Variants in IGF2R observed in about 807,000 individuals in gnomAD.
IGF2R encodes cation-independent mannose-6-phosphate receptor.
IGF2R carries 91 observed loss-of-function variants against 270.6 expected under a neutral mutation model. The observed-to-expected ratio is 0.34, with a 90% CI of 0.28 to 0.40. IGF2R has a LOEUF of 0.40. Ranked by LOEUF, IGF2R falls within the 10% of genes least tolerant of loss-of-function variation. The pLI, the probability that IGF2R is intolerant of heterozygous loss-of-function variation, is 1.00. For missense variants in IGF2R, 2,805 were observed against 3,188.3 expected (o/e 0.88, Z 2.90); for synonymous variants, 1,316 against 1,258.9 (o/e 1.05, Z -0.96).
chr6:160,096,319 A>G (rs890459419), intron 44 of IGF2R, 120 bp from the exon 45 acceptor site: 2 of 835,452 alleles, frequency 2.4e-6, no homozygotes, highest in Non-Finnish European at 3.8e-6. Flanking sequence ...GGGACGTGGG[A>G]TGAAGTCTCT....
chr6:160,002,040 G>A (rs1202569757), intron 2 of IGF2R, among the ~76,000 whole-genome samples: 1 of 152,144 alleles, frequency 6.6e-6, no homozygotes, highest in Non-Finnish European at 1.5e-5. Flanking sequence ...TATTTTGCAT[G>A]TTATATGTAT....
At chr6:160,068,103 T>TGTGTGTGTGA (rs1176106813) in intron 29 of IGF2R, 146 bp from the exon 30 acceptor site, 4 of 637,066 alleles carry the variant, frequency 6.3e-6, no homozygotes, top group African/African-American at 5.5e-5. Flanking sequence ...TGTGTGTGTG[T>TGTGTGTGTGA]GTGTGACAGA....
chr6:159,973,275 A>G (rs1035876281), intron 1 of IGF2R, among the ~76,000 whole-genome samples: 5 of 152,210 alleles, frequency 3.3e-5, no homozygotes, highest in Non-Finnish European at 1.5e-5. Context: ...GTCATATTAT[A>G]TATGTAATAT....
chr6:160,095,371 G>A (rs146639193), intron 44 of IGF2R: 74 of 152,540 alleles, frequency 4.9e-4, no homozygotes, highest in African/African-American at 1.7e-3. Context: ...TTCACTATAC[G>A]TTTCCAAGTT....
chr6:160,034,516 A>C lies in IGF2R; in HGVS notation c.1309A>C (p.Thr437Pro). ...CGTCATAAACTTTGAGTGCAATAAA[A>C]CCGCAGGTAAGTGTGCGCTGGAGTT... ...MSVINFECNK[T>P]AGNDGKGTPV... Residue 437 changes from threonine (T) to proline (P), a missense_variant, in exon 10 of 48, where the codon ACC becomes CCC. By Grantham distance (38) the Thr-to-Pro change is conservative (BLOSUM62 -1). This residue lies in a region of IGF2R where 954 missense variants were observed against 981.1 expected (regional missense o/e 0.97). Coordinates refer to ENST00000356956, the MANE Select transcript of IGF2R (RefSeq NM_000876.4). 1 of 1,604,654 alleles carries C rather than the reference A, an allele frequency of 6.2e-7. No homozygotes were observed. Among genetic ancestry groups the C allele is most frequent in the Admixed American group, 1.7e-5 (1 of 59,972 alleles).
At chr6:159,987,423 G>A (rs1329461987) in intron 1 of IGF2R, among the ~76,000 whole-genome samples, 1 of 152,066 alleles carries the variant, frequency 6.6e-6, no homozygotes, top group Non-Finnish European at 1.5e-5. Flanking sequence ...ACAGAGTCTC[G>A]CTGTGTTGCC....
intron 10 of IGF2R, among the ~76,000 whole-genome samples, chr6:160,038,621 C>G (rs1293454776): frequency 6.6e-6 from 1 of 151,940 alleles, no homozygotes; most frequent in Admixed American, 6.6e-5. Flanking sequence ...GTGTGTAAAC[C>G]TTGTGGGCGG....
chr6:160,080,106 G>A (rs201538781), intron 38 of IGF2R, 23 bp from the exon 39 acceptor site: 2 of 1,613,126 alleles, frequency 1.2e-6, no homozygotes, highest in East Asian at 2.2e-5. Context: ...CTGCCACACT[G>A]ATAATGTTCT....
chr6:160,011,551 GT>G (rs546686832), intron 4 of IGF2R, among the ~76,000 whole-genome samples: 12,417 of 119,498 alleles, frequency 0.1, 412 homozygotes, highest in South Asian at 0.23. Context: ...CACATATTTC[GT>G]TTTTTTTTTT....
At chr6:160,063,726 A>T in intron 27 of IGF2R, 96 bp downstream of exon 27, 1 of 864,734 alleles carries the variant, frequency 1.2e-6, no homozygotes, top group Non-Finnish European at 1.8e-6. Flanking sequence ...AGTCAGAAAC[A>T]TGAGTGTTCT....
intron 44 of IGF2R, chr6:160,093,799 T>C (rs1325811551): frequency 2.7e-6 from 2 of 738,466 alleles, no homozygotes; most frequent in Non-Finnish European, 5.1e-6. Flanking sequence ...ACAAGATCTC[T>C]CGTGATGAGC....
At chr6:160,074,201 A>G in intron 35 of IGF2R, 1 of 560,606 alleles carries the variant, frequency 1.8e-6, no homozygotes, top group Non-Finnish European at 3.2e-6. Flanking sequence ...GGGAGGTAAC[A>G]CGAATATGTG....
intron 19 of IGF2R, among the ~76,000 whole-genome samples, chr6:160,051,009 G>A (rs1453764139): frequency 6.6e-6 from 1 of 152,180 alleles, no homozygotes; most frequent in Non-Finnish European, 1.5e-5. Context: ...GTTTGGTCCT[G>A]TAGGGGCCAA....
chr6:160,033,123 CTG>C lies in IGF2R; in HGVS notation c.1211+19_1211+20del, dbSNP rs761334057. On this transcript the variant is annotated intron_variant, in intron 9 of 47. Coordinates refer to ENST00000356956, the MANE Select transcript of IGF2R (RefSeq NM_000876.4). ...AGACCCTCCGGTACGTCAACAACCTCTGTGCGATTTTCCTTTTTCTTTGTATT... is the reference window on the plus strand; with the variant it reads ...AGACCCTCCGGTACGTCAACAACCTCTGCGATTTTCCTTTTTCTTTGTATT... 1.1e-5 allele frequency: 17 copies of C among 1,599,146 alleles called. No individual in the cohort carries two copies. The highest frequency in any genetic ancestry group is 8.4e-5 in the Admixed American group (5 of 59,248).
chr6:160,032,622 C>T lies in IGF2R; in HGVS notation c.954C>T (p.Cys318=). Residue 318 remains cysteine, a synonymous_variant, in exon 8 of 48, where the codon TGC becomes TGT. Coordinates refer to ENST00000356956, the MANE Select transcript of IGF2R (RefSeq NM_000876.4). ...YEIEWITEYA[C]HRDYLESKTC... ...TTGAGTGGATTACTGAGTATGCCTGCCACAGAGATTACCTGGAAAGTAAAA... is the reference window on the plus strand; with the variant it reads ...TTGAGTGGATTACTGAGTATGCCTGTCACAGAGATTACCTGGAAAGTAAAA... 9 of 1,614,140 alleles carry T rather than the reference C, an allele frequency of 5.6e-6. No individual in the cohort carries two copies. The highest frequency in any genetic ancestry group is 7.6e-6 in the Non-Finnish European group (9 of 1,179,966).
intron 22 of IGF2R, among the ~76,000 whole-genome samples, chr6:160,059,829 TC>T (rs1778395722): frequency 1.3e-5 from 2 of 152,248 alleles, no homozygotes; most frequent in South Asian, 4.1e-4. Flanking sequence ...TGCTCCTCGC[TC>T]TGCAACCAGC....
Position 159,969,195 on chromosome 6 carries a change from G to A in IGF2R, c.-52G>A, listed in dbSNP as rs1216034667. 3.1e-6 allele frequency: 3 copies of A among 971,980 alleles called. No individual in the cohort carries two copies. The highest frequency in any genetic ancestry group is 3.7e-6 in the Non-Finnish European group (3 of 818,930). 60.2% of individuals were successfully genotyped at this position (971,980 alleles called of 1,614,324 possible). A position where few individuals can be genotyped will look rare whatever the true frequency, so the allele number is the denominator to read the frequency against. On this transcript the variant is annotated 5_prime_UTR_variant, in exon 1 of 48. Transcript: ENST00000356956. ...GACCCCGTCCCGGGCGCGGCCCCCA[G>A]CAGTCGCGCGCCGTTAGCCTCGCGC...
At chr6:160,057,527 G>A (rs1375986750) in intron 20 of IGF2R, among the ~76,000 whole-genome samples, 2 of 152,178 alleles carry the variant, frequency 1.3e-5, no homozygotes, top group Non-Finnish European at 2.9e-5. Context: ...TTCTGGGGCT[G>A]TGGCCACCGT....
chr6:160,075,960 G>T lies in IGF2R; in HGVS notation c.5280G>T (p.Ser1760=). 1 of 1,614,172 alleles carries T rather than the reference G, an allele frequency of 6.2e-7. No homozygotes were observed. The highest frequency in any genetic ancestry group is 8.5e-7 in the Non-Finnish European group (1 of 1,180,012). ...CLADKHFNYT[S]LIAFHCKRGV... Reference sequence around the variant, plus strand: ...CGGACAAGCATTTCAACTACACCTCGCTCATCGCGTTTCACTGTAAGAGAG... The same window carrying T: ...CGGACAAGCATTTCAACTACACCTCTCTCATCGCGTTTCACTGTAAGAGAG... The change falls in exon 36 of 48, where the codon TCG becomes TCT. Residue 1760 remains serine, a synonymous_variant. Coordinates refer to ENST00000356956, the MANE Select transcript of IGF2R (RefSeq NM_000876.4).
Sources: allele counts gnomAD v4.1 joint callset (sites outside exome capture counted in the v4.1 genomes callset), GRCh38; gene constraint gnomAD v4.1.1; regional missense constraint gnomAD v4.1.1; transcripts MANE v1.5; gene names NCBI Gene and HGNC (gene_info 2026-07-23, HGNC 2026-07-21).